Variants in ASAH1 observed in about 807,000 individuals in gnomAD.
The protein encoded by ASAH1 is N-acylsphingosine amidohydrolase 1, also known as acid ceramidase.
A neutral mutation model predicts 59.5 loss-of-function variants in ASAH1; 70 were observed. The ratio of observed to expected loss-of-function variants is 1.18; its 90% confidence interval spans 0.97 to 1.43. ASAH1 has a LOEUF of 1.43. ASAH1 is among the 40% of genes most tolerant of loss of function. The pLI, the probability that ASAH1 is intolerant of heterozygous loss-of-function variation, is 0.00. For missense variants in ASAH1, 660 were observed against 482.5 expected (o/e 1.37, Z -3.45); for synonymous variants, 213 against 166.5 (o/e 1.28, Z -2.15).
chr8:18,070,676 G>C (rs187094554), intron 3 of ASAH1, among the ~76,000 whole-genome samples: 1 of 152,252 alleles, frequency 6.6e-6, no homozygotes, highest in East Asian at 1.9e-4. Context: ...ATGACATAAA[G>C]GGAAAGAAAC....
intron 1 of ASAH1, among the ~76,000 whole-genome samples, chr8:18,077,377 G>A (rs1800448652): frequency 6.6e-6 from 1 of 152,154 alleles, no homozygotes; most frequent in Non-Finnish European, 1.5e-5. Flanking sequence ...TTTTACTACT[G>A]TCAATTTTTA....
intron 2 of ASAH1, among the ~76,000 whole-genome samples, chr8:18,074,505 C>T (rs1271017114): frequency 2.6e-5 from 4 of 152,178 alleles, no homozygotes; most frequent in Admixed American, 2.6e-4. Flanking sequence ...CTGAAAATGT[C>T]ATCTTGATAT....
intron 5 of ASAH1, chr8:18,066,985 A>G (rs1490367931): frequency 5.5e-6 from 2 of 362,678 alleles, no homozygotes; most frequent in Non-Finnish European, 5.1e-6. Context: ...ATTTTCTGCA[A>G]AGGGGCATGA....
At position 18,062,419 on chromosome 8, in the gene ASAH1, T is replaced by G. The variant is rs767762678; in HGVS notation, c.508A>C (p.Asn170His). ...NMDFGVFLGW[N>H]INNDTWVITE... ...ATGACCCAGGTATCATTATTTATGT[T>G]CCACCTATAAAAGACATGTTTCAGT... is the stretch of plus-strand genomic sequence containing the variant. Residue 170 changes from asparagine to histidine, a missense_variant, in exon 8 of 14, where the codon AAC (asparagine) becomes CAC (histidine). Coordinates refer to ENST00000637790, the MANE Select transcript of ASAH1 (RefSeq NM_177924.5). 4 of 1,614,102 alleles carry G rather than the reference T, an allele frequency of 2.5e-6. No individual in the cohort carries two copies. The highest frequency in any genetic ancestry group is 3.4e-6 in the Non-Finnish European group (4 of 1,179,980).
intron 5 of ASAH1, 138 bp from the exon 6 acceptor site, chr8:18,064,669 G>A (rs1242249702): frequency 9.5e-6 from 6 of 634,258 alleles, no homozygotes; most frequent in Admixed American, 5.3e-5. Context: ...ACGGCCGGCT[G>A]GAGGTGGTTT....
intron 5 of ASAH1, chr8:18,065,896 G>GTGTA (rs1279156904): frequency 6.6e-6 from 1 of 150,834 alleles, no homozygotes; most frequent in Non-Finnish European, 1.5e-5. Context: ...GTGTGTGTGT[G>GTGTA]TGTGTGTGTG....
intron 4 of ASAH1, among the ~76,000 whole-genome samples, chr8:18,068,943 C>T (rs530933697): frequency 1.8e-4 from 27 of 152,146 alleles, no homozygotes; most frequent in African/African-American, 6.5e-4. Flanking sequence ...GTTGGGAGAC[C>T]AGCCTGGGTG....
chr8:18,084,504 A>T (rs1046336333), upstream of ASAH1: 53 of 1,346,300 alleles, frequency 3.9e-5, no homozygotes, highest in Non-Finnish European at 5.2e-5. Flanking sequence ...AAAGAGTCTC[A>T]ACACTAATGT....
In ASAH1 at chr8:18,059,422, ATTTG is replaced by A; in HGVS notation, c.956_959del (p.Thr319IlefsTer22). 1.2e-6 allele frequency: 2 copies of A among 1,614,180 alleles called. No homozygotes were observed. The highest frequency in any genetic ancestry group is 8.5e-7 in the Non-Finnish European group (1 of 1,180,034). On this transcript the variant is annotated frameshift_variant, in exon 12 of 14. Coordinates refer to ENST00000637790, the MANE Select transcript of ASAH1 (RefSeq NM_177924.5). LOFTEE classifies it high-confidence loss of function. ...AGAAGGGATGTTTCCAACGGTCATA[ATTTG>A]TTTGTACCACATACCATCTACCCTG... is the stretch of plus-strand genomic sequence containing the variant.
chr8:18,077,089 T>A, intron 1 of ASAH1, among the ~76,000 whole-genome samples: 1 of 152,194 alleles, frequency 6.6e-6, no homozygotes, highest in East Asian at 1.9e-4. Context: ...TGCAAAACTT[T>A]ACAGCTAGCA....
intron 1 of ASAH1, among the ~76,000 whole-genome samples, chr8:18,078,569 T>C (rs1376769764): frequency 6.6e-6 from 1 of 152,058 alleles, no homozygotes; most frequent in Non-Finnish European, 1.5e-5. Flanking sequence ...AAAGAGCTAC[T>C]TCCTCCCCCT....
At chr8:18,084,406 C>G, upstream of ASAH1, 1 of 1,396,516 alleles carries the variant, frequency 7.2e-7, no homozygotes, top group Non-Finnish European at 9.3e-7. Flanking sequence ...GGGAGCTTCA[C>G]CCGTGGCGCC....
rs150268016 is a variant in ASAH1, at chr8:18,062,307, T to C, written c.620A>G (p.Tyr207Cys). The change falls in exon 8 of 14, where the codon TAT becomes TGT. Residue 207 changes from tyrosine (Y) to cysteine (C), a missense_variant. Coordinates refer to ENST00000637790, the MANE Select transcript of ASAH1 (RefSeq NM_177924.5). The stretch of plus-strand genomic sequence containing the variant: ...TTTGAATCCTGTTAACATGCCCACA[T>C]AGCCAGCAAAGCTTGAAGCCTTGAA... ...TVFKASSFAG[Y>C]VGMLTGFKPG... The C allele has an allele frequency of 2.5e-6, 4 of 1,614,226 alleles. No individual in the cohort carries two copies. The highest frequency in any genetic ancestry group is 2.7e-5 in the African/African-American group (2 of 75,072).
At chr8:18,080,174 A>G (rs891606569) in intron 1 of ASAH1, among the ~76,000 whole-genome samples, 14 of 152,250 alleles carry the variant, frequency 9.2e-5, no homozygotes, top group African/African-American at 3.1e-4. Context: ...CTGCGTGAAA[A>G]TCATTGCTAA....
intron 1 of ASAH1, among the ~76,000 whole-genome samples, chr8:18,078,609 T>G (rs1309362348): frequency 6.6e-6 from 1 of 152,142 alleles, no homozygotes; most frequent in Non-Finnish European, 1.5e-5. Context: ...GAGACACAGC[T>G]TCAAAACCCA....
At chr8:18,073,997 T>C (rs563524147) in intron 2 of ASAH1, among the ~76,000 whole-genome samples, 6 of 152,230 alleles carry the variant, frequency 3.9e-5, no homozygotes, top group East Asian at 3.9e-4. Context: ...TGCACATAGG[T>C]AGACACACAC....
At chr8:18,075,453 C>A in intron 2 of ASAH1, 88 bp downstream of exon 2, 1 of 1,310,462 alleles carries the variant, frequency 7.6e-7, no homozygotes, top group Non-Finnish European at 1.1e-6. Flanking sequence ...AGATTTTATT[C>A]ACTATCGTTC....
Position 18,057,510 on chromosome 8 carries a change from G to T in ASAH1, c.*24C>A. On this transcript the variant is annotated 3_prime_UTR_variant, in exon 14 of 14. Coordinates refer to ENST00000637790, the MANE Select transcript of ASAH1 (RefSeq NM_177924.5). ...ATGGTGTCTTCATGTCTCAGAGGCC[G>T]CATTCTGTAGGCCAGACGTGTGCTC... is the stretch of plus-strand genomic sequence containing the variant. 1.3e-6 allele frequency: 2 copies of T among 1,555,308 alleles called. No individual in the cohort carries two copies. The highest frequency in any genetic ancestry group is 1.8e-6 in the Non-Finnish European group (2 of 1,134,064).
At chr8:18,079,247 T>A in intron 1 of ASAH1, among the ~76,000 whole-genome samples, 1 of 134,690 alleles carries the variant, frequency 7.4e-6, no homozygotes. Context: ...CACTCCAGCC[T>A]GGGAGACAGA....
Sources: allele counts gnomAD v4.1 joint callset (sites outside exome capture counted in the v4.1 genomes callset), GRCh38; gene constraint gnomAD v4.1.1; transcripts MANE v1.5; gene names NCBI Gene and HGNC (gene_info 2026-07-23, HGNC 2026-07-21).